The following SLC25A48 variants were observed in gnomAD, a reference collection of about 807,000 sequenced individuals.
SLC25A48 encodes CTC-321K16.1.
Under a neutral mutation model 32.2 loss-of-function variants are expected in SLC25A48, and 29 were observed. The ratio of observed to expected loss-of-function variants is 0.90; its 90% CI spans 0.67 to 1.23. The LOEUF (loss-of-function observed/expected upper bound fraction) is 1.23, where lower values mean the gene tolerates loss of function less well. SLC25A48 is among the 50% of genes most tolerant of loss of function. SLC25A48 has a pLI of 0.00. For missense variants in SLC25A48, 399 were observed against 422.7 expected, an observed-to-expected ratio of 0.94 and a Z score of 0.49; for synonymous variants, 164 against 172.3, an observed-to-expected ratio of 0.95 and a Z score of 0.38.
chr5:135,580,515 C>G (rs755560838), intron 1 of SLC25A48, among the ~76,000 whole-genome samples: 2 of 152,152 alleles, frequency 1.3e-5, no homozygotes, highest in Non-Finnish European at 2.9e-5. Flanking sequence ...AACTGGAGAG[C>G]CCTTGCTGCT....
intron 3 of SLC25A48, among the ~76,000 whole-genome samples, chr5:135,775,761 G>A (rs1580865959): frequency 6.6e-6 from 1 of 151,712 alleles, no homozygotes; most frequent in Admixed American, 6.6e-5. Flanking sequence ...GTATCACAGG[G>A]CATGTACACC....
At chr5:135,797,721 C>G (rs538485371) in intron 3 of SLC25A48, among the ~76,000 whole-genome samples, 9 of 151,176 alleles carry the variant, frequency 6.0e-5, no homozygotes, top group Admixed American at 1.3e-4. Flanking sequence ...AAGTGTAAAC[C>G]CCCCCCGTGA....
chr5:135,804,527 TGTG>T (rs1757419346), intron 3 of SLC25A48, among the ~76,000 whole-genome samples: 1 of 151,314 alleles, frequency 6.6e-6, no homozygotes, highest in Non-Finnish European at 1.5e-5. Flanking sequence ...GTGCACCAAC[TGTG>T]ATATTATTTG....
At chr5:135,868,673 C>CACAT (rs1211947109) in intron 4 of SLC25A48, among the ~76,000 whole-genome samples, 1 of 102,334 alleles carries the variant, frequency 9.8e-6, no homozygotes, top group East Asian at 3.4e-4. Context: ...CACACACACA[C>CACAT]ACATACACAC....
chr5:135,777,784 CGGG>C (rs55658230), intron 3 of SLC25A48, among the ~76,000 whole-genome samples: 45,227 of 142,406 alleles, frequency 0.32, 6,989 homozygotes, highest in East Asian at 0.46. Flanking sequence ...TCCTAATATC[CGGG>C]GGGGGGGGGA....
intron 3 of SLC25A48, among the ~76,000 whole-genome samples, chr5:135,747,170 T>A (rs1438465787): frequency 6.6e-6 from 1 of 152,032 alleles, no homozygotes; most frequent in Non-Finnish European, 1.5e-5. Context: ...TGAAAGACCA[T>A]GTGACCATCT....
At chr5:135,661,101 C>G (rs1196290568) in intron 3 of SLC25A48, among the ~76,000 whole-genome samples, 2 of 152,160 alleles carry the variant, frequency 1.3e-5, no homozygotes, top group African/African-American at 4.8e-5. Flanking sequence ...CAGTTGGTGC[C>G]CTTGGTCCCA....
chr5:135,825,047 G>A (rs888461219), intron 4 of SLC25A48: 1 of 152,188 alleles, frequency 6.6e-6, no homozygotes, highest in African/African-American at 2.4e-5. Context: ...GGGGAACGTG[G>A]TTTCCTTATA....
chr5:135,664,235 A>G (rs1313189346), intron 3 of SLC25A48, among the ~76,000 whole-genome samples: 1 of 152,264 alleles, frequency 6.6e-6, no homozygotes, highest in Non-Finnish European at 1.5e-5. Flanking sequence ...ATATGGCGAC[A>G]GACTCATCAT....
chr5:135,632,689 A>G (rs1004803020), intron 2 of SLC25A48, among the ~76,000 whole-genome samples: 1 of 152,170 alleles, frequency 6.6e-6, no homozygotes, highest in Non-Finnish European at 1.5e-5. Context: ...TTAAATCATC[A>G]TTTCCCAGAT....
chr5:135,658,096 A>G (rs1253654944), intron 3 of SLC25A48, among the ~76,000 whole-genome samples: 1 of 152,176 alleles, frequency 6.6e-6, no homozygotes, highest in Non-Finnish European at 1.5e-5. Flanking sequence ...AATCCCACAA[A>G]GTCTTAACTC....
chr5:135,596,893 T>C (rs1751666583), intron 1 of SLC25A48, among the ~76,000 whole-genome samples: 1 of 152,076 alleles, frequency 6.6e-6, no homozygotes, highest in Admixed American at 6.5e-5. Context: ...TGATTGGGGG[T>C]GCACTTGGCA....
intron 3 of SLC25A48, chr5:135,650,393 T>G: frequency 2.2e-6 from 1 of 455,874 alleles, no homozygotes; most frequent in Non-Finnish European, 4.4e-6. Flanking sequence ...GTGGCAACAT[T>G]GATTGAGGAT....
Position 135,874,130 on chromosome 5 carries a change from G to A in SLC25A48, c.789G>A (p.Gln263=). 1 of 1,482,132 alleles carries A rather than the reference G, an allele frequency of 6.7e-7. No individual in the cohort carries two copies. The highest frequency in any genetic ancestry group is 8.9e-7 in the Non-Finnish European group (1 of 1,125,670). 91.8% of individuals were successfully genotyped at this position (1,482,132 alleles called of 1,614,324 possible). Residue 263 remains glutamine, a synonymous_variant, in exon 6 of 8, where the codon CAG becomes CAA. Coordinates refer to ENST00000681962, the MANE Select transcript of SLC25A48 (RefSeq NM_001349336.2). ...KYKGVLDCIS[Q]SYQKEGLKVF... Reference sequence around the variant, plus strand: ...AAGGTGTCCTGGACTGTATCTCCCAGAGTTACCAGAAGGAAGGTCTTAAAG... The same window carrying A: ...AAGGTGTCCTGGACTGTATCTCCCAAAGTTACCAGAAGGAAGGTCTTAAAG...
chr5:135,644,910 T>TA (rs1295896757), intron 3 of SLC25A48, among the ~76,000 whole-genome samples: 2 of 152,164 alleles, frequency 1.3e-5, no homozygotes, highest in Non-Finnish European at 2.9e-5. Flanking sequence ...GAGCTGGGCT[T>TA]ACCTACAGTG....
At chr5:135,609,221 T>G (rs1437789374) in intron 1 of SLC25A48, 3 of 152,186 alleles carry the variant, frequency 2.0e-5, no homozygotes, top group Admixed American at 6.5e-5. Context: ...TATCCCTCAC[T>G]CAGGAGGTTA....
chr5:135,601,760 G>C (rs916634035), intron 1 of SLC25A48, among the ~76,000 whole-genome samples: 6 of 152,216 alleles, frequency 3.9e-5, no homozygotes, highest in Non-Finnish European at 8.8e-5. Context: ...GCGAAGGCCT[G>C]GCTGAGCCAA....
intron 3 of SLC25A48, among the ~76,000 whole-genome samples, chr5:135,765,088 C>T (rs62365693): frequency 0.41 from 61,542 of 151,580 alleles, 14,335 homozygotes; most frequent in Non-Finnish European, 0.52. Flanking sequence ...GGTGATATTA[C>T]TCCCTATATC....
chr5:135,886,701 A>AGT lies in SLC25A48; in HGVS notation c.*8-1314_*8-1313dup, dbSNP rs1203133222. Among the ~76,000 whole-genome samples the AGT allele has an allele frequency of 2.0e-4, 24 of 117,734 alleles. No homozygotes were observed. The East Asian group carries it at 2.5e-3, about 12-fold the overall frequency. 77.2% of individuals were successfully genotyped at this position (117,734 alleles called of 152,430 possible). A position where few individuals can be genotyped will look rare whatever the true frequency, so the allele number is the denominator to read the frequency against. On this transcript the variant is annotated intron_variant, in intron 7 of 7. Transcript: ENST00000681962. Reference sequence around the variant, plus strand: ...GAGAGAGAGAGAGAGAGAGAGAGAGAGTGTGTGTGTGTGTGTGTAGTCTGA... The same window carrying AGT: ...GAGAGAGAGAGAGAGAGAGAGAGAGAGTGTGTGTGTGTGTGTGTGTAGTCTGA...
Sources: gnomAD v4.1 joint callset for allele counts (sites outside exome capture counted in the v4.1 genomes callset) on GRCh38, gnomAD v4.1.1 for gene constraint, MANE v1.5 for transcripts, NCBI Gene and HGNC (gene_info 2026-07-23, HGNC 2026-07-21) for gene names.